Variants in PRKCH observed in about 807,000 individuals in gnomAD.
The protein encoded by PRKCH is protein kinase C eta.
In PRKCH, 28 loss-of-function variants were observed where a neutral mutation model predicts 82.5. That is an observed-to-expected ratio of 0.34 (90% CI 0.25 to 0.47). The LOEUF (loss-of-function observed/expected upper bound fraction) is 0.47. Among genes scored for constraint, PRKCH ranks in the 20% least tolerant of loss-of-function variants. PRKCH has a pLI of 1.00. For synonymous variants in PRKCH, 322 were observed against 327.4 expected (o/e 0.98, Z 0.18); for missense variants, 705 against 881.8 (o/e 0.80, Z 2.54).
rs151284881 is a variant in PRKCH at position 61,520,284 on chromosome 14, T to C, written c.1434-8791T>C. 7.9e-5 allele frequency among the ~76,000 whole-genome samples: 12 copies of C among 152,286 alleles called. No individual in the cohort carries two copies. In the East Asian group the frequency reaches 2.1e-3, roughly 27 times the overall value. ...TTTTTTCCTCCTGTCTTTCCTCCTT[T>C]TTCCTCCTGTCTTTCCTCCTTTTCT... On this transcript the variant is annotated intron_variant, in intron 10 of 13. Coordinates refer to ENST00000332981, the MANE Select transcript of PRKCH (RefSeq NM_006255.5).
At chr14:61,190,463 G>C (rs1188514830) in intron 1 of PRKCH, among the ~76,000 whole-genome samples, 1 of 152,158 alleles carries the variant, frequency 6.6e-6, no homozygotes, top group Non-Finnish European at 1.5e-5. Context: ...ACAGCAGTCA[G>C]TATGGTCTTT....
intron 1 of PRKCH, among the ~76,000 whole-genome samples, chr14:61,329,199 G>A (rs1247100220): frequency 4.4e-5 from 6 of 136,418 alleles, no homozygotes; most frequent in South Asian, 4.8e-4. Flanking sequence ...CTCCTCCTCT[G>A]TGGTTCTCCA....
intron 2 of PRKCH, among the ~76,000 whole-genome samples, chr14:61,434,861 T>C (rs1164186647): frequency 6.6e-6 from 1 of 152,076 alleles, no homozygotes; most frequent in Non-Finnish European, 1.5e-5. Context: ...ACTCTACTTT[T>C]TAAAAGATTT....
rs771507055 is a variant in PRKCH, at chr14:61,280,726, C to T, written c.-19+93058C>T. 6.3e-7 allele frequency: 1 copy of T among 1,577,128 alleles called. No homozygotes were observed. Among genetic ancestry groups the T allele is most frequent in the Non-Finnish European group, 8.6e-7 (1 of 1,166,058 alleles). ...GGGGGCGCACTCGTTGACAGGGTGGCGCAGCGCGCTGGGGAGTCCGCTCAG... is the reference window on the plus strand; with the variant it reads ...GGGGGCGCACTCGTTGACAGGGTGGTGCAGCGCGCTGGGGAGTCCGCTCAG... On this transcript the variant is annotated intron_variant, in intron 1 of 3. Transcript: ENST00000555185. The surrounding 1 kb of genome is among the most constrained non-coding windows in gnomAD (Gnocchi z 5.0).
chr14:61,338,949 A>G (rs552706212), intron 1 of PRKCH, among the ~76,000 whole-genome samples: 1 of 152,324 alleles, frequency 6.6e-6, no homozygotes, highest in Admixed American at 6.5e-5. Context: ...GTTCCCATTA[A>G]TATTATTGCC....
chr14:61,450,778 C>T lies in PRKCH; in HGVS notation c.703-64C>T, dbSNP rs1298753466. ...CTTTGCATTTGATGGGCTCCTATTACAGTTTTTACAAAGGACATTGGTATG... is the reference window on the plus strand; with the variant it reads ...CTTTGCATTTGATGGGCTCCTATTATAGTTTTTACAAAGGACATTGGTATG... On this transcript the variant is annotated intron_variant, in intron 5 of 13. Transcript: ENST00000332981. 3.2e-6 allele frequency: 5 copies of T among 1,565,376 alleles called. No individual in the cohort carries two copies. The East Asian group carries it at 1.1e-4, about 35-fold the overall frequency.
chr14:61,194,668 T>C (rs2140034529), intron 1 of PRKCH, among the ~76,000 whole-genome samples: 1 of 152,312 alleles, frequency 6.6e-6, no homozygotes, highest in African/African-American at 2.4e-5. Context: ...TTGGCTATTG[T>C]TATTGTTGTC....
At chr14:61,508,560 T>C (rs1126133) in intron 10 of PRKCH, among the ~76,000 whole-genome samples, 101,172 of 151,862 alleles carry the variant, frequency 0.67, 39,463 homozygotes, top group Non-Finnish European at 0.85. Flanking sequence ...TTGTATGTTC[T>C]GGTCAGTCTT....
chr14:61,490,752 A>G (rs1886417150), intron 10 of PRKCH, among the ~76,000 whole-genome samples: 1 of 152,104 alleles, frequency 6.6e-6, no homozygotes, highest in South Asian at 2.1e-4. Context: ...TGTCTCTATA[A>G]AAAATACAAA....
chr14:61,270,427 GTGTCTATAC>G (rs2140085593), intron 1 of PRKCH, among the ~76,000 whole-genome samples: 1 of 152,282 alleles, frequency 6.6e-6, no homozygotes, highest in Non-Finnish European at 1.5e-5. Context: ...CCCTCATACA[GTGTCTATAC>G]TCACCAAAAT....
At chr14:61,475,919 T>C (rs138783823) in intron 9 of PRKCH, among the ~76,000 whole-genome samples, 9 of 152,352 alleles carry the variant, frequency 5.9e-5, no homozygotes, top group African/African-American at 2.2e-4. Context: ...ATTAGGGTGA[T>C]TTTATTTGAA....
chr14:61,545,923 A>G (rs1017526243), intron 12 of PRKCH, among the ~76,000 whole-genome samples: 2 of 152,194 alleles, frequency 1.3e-5, no homozygotes, highest in Admixed American at 1.3e-4. Context: ...CCAGAAGAAC[A>G]GGCTGTACCC....
chr14:61,262,219 T>TAAATAAAAAAAAAAAAAAAAAA (rs1356058235), intron 1 of PRKCH, among the ~76,000 whole-genome samples: 7 of 106,582 alleles, frequency 6.6e-5, no homozygotes, highest in Middle Eastern at 4.9e-3. Context: ...AGACTCTGTA[T>TAAATAAAAAAAAAAAAAAAAAA]AAAAAAAAAA....
chr14:61,494,129 T>C (rs1444353675), intron 10 of PRKCH, among the ~76,000 whole-genome samples: 1 of 151,936 alleles, frequency 6.6e-6, no homozygotes. Flanking sequence ...TGAAGCTCAG[T>C]AAAGAGGATG....
intron 1 of PRKCH, among the ~76,000 whole-genome samples, chr14:61,384,502 G>A (rs896036504): frequency 1.3e-5 from 2 of 151,840 alleles, no homozygotes; most frequent in Non-Finnish European, 2.9e-5. Flanking sequence ...TGGCCTTCCT[G>A]ATGTCGCAGA....
chr14:61,220,652 G>A (rs950667762), intron 1 of PRKCH, among the ~76,000 whole-genome samples: 1 of 152,176 alleles, frequency 6.6e-6, no homozygotes, highest in Non-Finnish European at 1.5e-5. Context: ...ACGACGAGAG[G>A]AAAATTGTTA....
intron 1 of PRKCH, among the ~76,000 whole-genome samples, chr14:61,245,532 C>G (rs2044871851): frequency 6.6e-6 from 1 of 152,212 alleles, no homozygotes; most frequent in African/African-American, 2.4e-5. Context: ...CAATGAGAGA[C>G]AGAGGAGCGC....
At chr14:61,437,964 T>G (rs1883757657) in intron 2 of PRKCH, among the ~76,000 whole-genome samples, 2 of 152,168 alleles carry the variant, frequency 1.3e-5, no homozygotes, top group Non-Finnish European at 2.9e-5. Flanking sequence ...CCTAGAACTC[T>G]AGGGTAGTGT....
intron 10 of PRKCH, among the ~76,000 whole-genome samples, chr14:61,518,545 A>T (rs144608885): frequency 6.6e-6 from 1 of 152,026 alleles, no homozygotes; most frequent in Non-Finnish European, 1.5e-5. Context: ...TACACTGAGG[A>T]TGTTTATCAA....
Sources: gnomAD v4.1 joint callset for allele counts (sites outside exome capture counted in the v4.1 genomes callset) on GRCh38, gnomAD v4.1.1 for gene constraint, Gnocchi (gnomAD v3.1) non-coding constraint, MANE v1.5 for transcripts, NCBI Gene and HGNC (gene_info 2026-07-23, HGNC 2026-07-21) for gene names.